Variants in CNTN4 observed in about 807,000 individuals in gnomAD.
CNTN4 encodes contactin-4.
Under a neutral mutation model 122.5 loss-of-function variants are expected in CNTN4, and 77 were observed. The ratio of observed to expected loss-of-function variants is 0.63; its 90% CI spans 0.52 to 0.76. The LOEUF (loss-of-function observed/expected upper bound fraction) is 0.76, where lower values mean the gene tolerates loss of function less well. Among genes scored for constraint, CNTN4 ranks in the 30% least tolerant of loss-of-function variants. The pLI is 0.00. For missense variants in CNTN4, 1,256 were observed against 1,259.1 expected, an observed-to-expected ratio of 1.00 and a Z score of 0.04; for synonymous variants, 512 against 447.0, an observed-to-expected ratio of 1.15 and a Z score of -1.83.
intron 2 of CNTN4, among the ~76,000 whole-genome samples, chr3:2,103,784 G>A (rs565520739): frequency 4.6e-5 from 7 of 151,810 alleles, no homozygotes; most frequent in Middle Eastern, 3.2e-3. Context: ...CCCAGGTACC[G>A]TCTAAAAGAA....
At chr3:2,345,431 T>G (rs1467598214) in intron 3 of CNTN4, among the ~76,000 whole-genome samples, 5 of 152,190 alleles carry the variant, frequency 3.3e-5, no homozygotes. Flanking sequence ...TGGAAAAATA[T>G]GTATATGAAT....
At chr3:2,617,419 C>CTTTTTTTTTTTTTTTT (rs71058631) in intron 4 of CNTN4, among the ~76,000 whole-genome samples, 1 of 108,528 alleles carries the variant, frequency 9.2e-6, no homozygotes. Flanking sequence ...AGAGAAATGC[C>CTTTTTTTTTTTTTTTT]TTTTTTTTTT....
chr3:2,961,082 T>G (rs1421706901), intron 13 of CNTN4, among the ~76,000 whole-genome samples: 3 of 140,638 alleles, frequency 2.1e-5, no homozygotes, highest in Non-Finnish European at 3.1e-5. Flanking sequence ...TACAAAAAAT[T>G]AGCCGGGCGT....
intron 14 of CNTN4, among the ~76,000 whole-genome samples, chr3:3,024,859 G>T (rs573877547): frequency 6.6e-6 from 1 of 152,254 alleles, no homozygotes; most frequent in African/African-American, 2.4e-5. Context: ...TAATCCCAGA[G>T]GTTCCCTGAA....
intron 4 of CNTN4, among the ~76,000 whole-genome samples, chr3:2,614,434 T>C (rs1475235104): frequency 6.6e-6 from 1 of 152,186 alleles, no homozygotes; most frequent in Non-Finnish European, 1.5e-5. Flanking sequence ...GGTAACATAC[T>C]GGATAAGGTA....
intron 5 of CNTN4, among the ~76,000 whole-genome samples, chr3:2,743,931 C>G (rs1382476796): frequency 6.6e-6 from 1 of 152,110 alleles, no homozygotes; most frequent in Admixed American, 6.6e-5. Flanking sequence ...CCACCTCAGC[C>G]TCCTGAGTAG....
rs189407324 is a variant in CNTN4, at chr3:2,175,499, C to G, written c.-145+74860C>G. ...ATATTTGTGTAGAAATTTTATTTAT[C>G]TTATTAGATTGTAAACTCCATACAA... On this transcript the variant is annotated intron_variant, in intron 2 of 24. Transcript: ENST00000418658. Among the ~76,000 whole-genome samples the G allele has an allele frequency of 2.8e-4, 42 of 152,220 alleles. No individual in the cohort carries two copies. The East Asian group carries it at 7.0e-3, about 25-fold the overall frequency.
At chr3:2,734,642 G>T (rs1275235871) in intron 4 of CNTN4, among the ~76,000 whole-genome samples, 1 of 129,416 alleles carries the variant, frequency 7.7e-6, no homozygotes, top group African/African-American at 2.6e-5. Context: ...ACCTTAGCAT[G>T]AAGTGCTTTT....
At chr3:2,248,571 A>C (rs376694138) in intron 2 of CNTN4, among the ~76,000 whole-genome samples, 1 of 152,138 alleles carries the variant, frequency 6.6e-6, no homozygotes, top group South Asian at 2.1e-4. Flanking sequence ...AAAGGCCAAT[A>C]ACATTTGTAT....
At chr3:2,724,526 C>T (rs1391615760) in intron 4 of CNTN4, among the ~76,000 whole-genome samples, 3 of 152,104 alleles carry the variant, frequency 2.0e-5, no homozygotes, top group African/African-American at 7.2e-5. Flanking sequence ...CAGATTACTC[C>T]CTTTCACGCT....
At chr3:2,183,116 T>C (rs2037093069) in intron 2 of CNTN4, among the ~76,000 whole-genome samples, 1 of 152,142 alleles carries the variant, frequency 6.6e-6, no homozygotes. Flanking sequence ...TTTCAAAATA[T>C]ATCCAGAAAC....
intron 3 of CNTN4, among the ~76,000 whole-genome samples, chr3:2,416,214 C>T (rs2047406168): frequency 6.6e-6 from 1 of 152,088 alleles, no homozygotes; most frequent in Non-Finnish European, 1.5e-5. Flanking sequence ...TTCCATATCA[C>T]AGGCCACCTG....
intron 6 of CNTN4, among the ~76,000 whole-genome samples, chr3:2,762,083 C>A (rs2090616448): frequency 6.6e-6 from 1 of 152,124 alleles, no homozygotes; most frequent in Non-Finnish European, 1.5e-5. Flanking sequence ...GGAAGACAGA[C>A]ATTGAACAAG....
In CNTN4 at chr3:2,785,136, C is replaced by CATAT. The variant is rs1308426959; in HGVS notation, c.359-34349_359-34348insTATA. ...GCGTACACACACACACACACACACA[C>CATAT]ACATATATATAGAGAGAGAGAGAGA... On this transcript the variant is annotated intron_variant, in intron 6 of 24. Transcript: ENST00000418658. Among the ~76,000 whole-genome samples, 3 of 122,020 alleles carry CATAT rather than the reference C, an allele frequency of 2.5e-5. No homozygotes were observed. In the South Asian group the frequency reaches 9.7e-4, roughly 39 times the overall value. 80.0% of individuals were successfully genotyped at this position (122,020 alleles called of 152,430 possible). A position where few individuals can be genotyped will look rare whatever the true frequency, so the allele number is the denominator to read the frequency against.
intron 3 of CNTN4, among the ~76,000 whole-genome samples, chr3:2,347,435 A>G (rs2044440922): frequency 9.0e-6 from 1 of 111,236 alleles, no homozygotes; most frequent in South Asian, 2.8e-4. Flanking sequence ...TTTTGGAGAC[A>G]TAATCTCGCT....
intron 2 of CNTN4, among the ~76,000 whole-genome samples, chr3:2,105,816 T>C (rs2032395343): frequency 6.6e-6 from 1 of 152,092 alleles, no homozygotes; most frequent in Non-Finnish European, 1.5e-5. Context: ...TGGCATTAGC[T>C]CAAAAGTCCA....
intron 3 of CNTN4, among the ~76,000 whole-genome samples, chr3:2,562,182 A>G (rs2078983967): frequency 6.6e-6 from 1 of 152,206 alleles, no homozygotes; most frequent in Non-Finnish European, 1.5e-5. Flanking sequence ...TTTGGGAGAA[A>G]TTCAACAGAG....
intron 13 of CNTN4, among the ~76,000 whole-genome samples, chr3:2,928,589 A>C (rs1174712436): frequency 6.6e-6 from 1 of 152,220 alleles, no homozygotes; most frequent in Non-Finnish European, 1.5e-5. Flanking sequence ...TCAGATGTAG[A>C]ATCTTAGGAA....
intron 2 of CNTN4, among the ~76,000 whole-genome samples, chr3:2,256,503 G>T (rs9883338): frequency 6.6e-6 from 1 of 152,090 alleles, no homozygotes; most frequent in African/African-American, 2.4e-5. Flanking sequence ...GAAAATTTCA[G>T]GTCAGTATCC....
Sources: allele counts gnomAD v4.1 joint callset (sites outside exome capture counted in the v4.1 genomes callset), GRCh38; gene constraint gnomAD v4.1.1; transcripts MANE v1.5; gene names NCBI Gene and HGNC (gene_info 2026-07-23, HGNC 2026-07-21).